Variants in MIER1 observed in about 807,000 individuals in gnomAD.
MIER1 encodes MIER1 transcriptional regulator.
A neutral mutation model predicts 75.7 loss-of-function variants in MIER1; 40 were observed. The observed-to-expected ratio is 0.53, with a 90% CI of 0.41 to 0.69. The LOEUF (loss-of-function observed/expected upper bound fraction) is 0.69. Among genes scored for constraint, MIER1 ranks in the 30% least tolerant of loss-of-function variants. The pLI, the probability that MIER1 is intolerant of heterozygous loss-of-function variation, is 0.00. For missense variants in MIER1, 574 were observed against 680.2 expected (o/e 0.84, Z 1.74); for synonymous variants, 213 against 223.4 (o/e 0.95, Z 0.42).
chr1:66,964,458 T>G (rs1176742946), intron 8 of MIER1, among the ~76,000 whole-genome samples: 1 of 149,272 alleles, frequency 6.7e-6, no homozygotes, highest in African/African-American at 2.5e-5. Context: ...CTTTTTTTTT[T>G]TTTTTTTTTT....
intron 11 of MIER1, among the ~76,000 whole-genome samples, chr1:66,975,073 C>T (rs986502065): frequency 2.0e-5 from 3 of 151,980 alleles, no homozygotes; most frequent in African/African-American, 4.8e-5. Context: ...ACAGTGCAAA[C>T]GGGAAGAAAG....
intron 8 of MIER1, 74 bp downstream of exon 8, chr1:66,963,234 G>A: frequency 2.0e-6 from 2 of 981,918 alleles, no homozygotes; most frequent in Non-Finnish European, 3.2e-6. Flanking sequence ...TATGTAAAAT[G>A]TGATAAGAAC....
Position 66,963,179 on chromosome 1 carries a change from T to G in MIER1, c.772+19T>G, listed in dbSNP as rs1268040856. 1 of 1,474,148 alleles carries G rather than the reference T, an allele frequency of 6.8e-7. No homozygotes were observed. The highest frequency in any genetic ancestry group is 9.5e-7 in the Non-Finnish European group (1 of 1,053,264). 91.3% of individuals were successfully genotyped at this position (1,474,148 alleles called of 1,614,324 possible). On this transcript the variant is annotated intron_variant, in intron 8 of 13. Transcript: ENST00000401041. ...GAAAAAGGTGGGTTATTAGTAAAGTTACGTAGCTGAATTTATGCTTTCAGT... is the reference window on the plus strand; with the variant it reads ...GAAAAAGGTGGGTTATTAGTAAAGTGACGTAGCTGAATTTATGCTTTCAGT...
chr1:66,925,412 C>T, intron 1 of MIER1: 2 of 985,466 alleles, frequency 2.0e-6, no homozygotes, highest in Non-Finnish European at 2.4e-6. Context: ...TCGCTTCGGT[C>T]CCTGATCCCA....
chr1:66,935,160 A>G (rs1654471490), intron 2 of MIER1, among the ~76,000 whole-genome samples: 1 of 152,072 alleles, frequency 6.6e-6, no homozygotes, highest in Admixed American at 6.5e-5. Context: ...GTAGTTAGTT[A>G]TTTCTTTACT....
At chr1:66,943,410 TTGATAAG>T in intron 3 of MIER1, among the ~76,000 whole-genome samples, 1 of 152,210 alleles carries the variant, frequency 6.6e-6, no homozygotes, top group East Asian at 1.9e-4. Flanking sequence ...TTCTAAAACT[TTGATAAG>T]TGTTAATAAC....
At chr1:66,934,094 C>T (rs1654097645) in intron 2 of MIER1, among the ~76,000 whole-genome samples, 1 of 152,038 alleles carries the variant, frequency 6.6e-6, no homozygotes, top group Admixed American at 6.6e-5. Context: ...CATGAAGTAG[C>T]ACCCCAAAAA....
chr1:66,972,239 T>TATATATATATATATATATATACACTAC (rs1558100000), intron 10 of MIER1, among the ~76,000 whole-genome samples: 17 of 68,856 alleles, frequency 2.5e-4, no homozygotes, highest in African/African-American at 1.7e-3. Context: ...ACACTACATA[T>TATATATATATATATATATATACACTAC]ATATATATAT....
At chr1:66,942,595 A>T (rs1286422781) in intron 3 of MIER1, among the ~76,000 whole-genome samples, 2 of 148,360 alleles carry the variant, frequency 1.3e-5, no homozygotes, top group Non-Finnish European at 3.0e-5. Flanking sequence ...ATTATTGGGA[A>T]TTTTTTTTTT....
chr1:66,972,988 TAAAG>T lies in MIER1; in HGVS notation c.1099_1101+1del, dbSNP rs1558101947. On this transcript the variant is annotated splice_donor_variant and coding_sequence_variant, in exon 11 of 14. Coordinates refer to ENST00000401041, the MANE Select transcript of MIER1 (RefSeq NM_001077700.3). LOFTEE classifies it high-confidence loss of function. ...AGGATTTTCATTTGATTCAGGCTAATAAAGTAAGTAATGATAATCTCTTTTTTGC... is the reference window on the plus strand; with the variant it reads ...AGGATTTTCATTTGATTCAGGCTAATTAAGTAATGATAATCTCTTTTTTGC... The T allele has an allele frequency of 1.3e-6, 2 of 1,568,136 alleles. No individual in the cohort carries two copies. The highest frequency in any genetic ancestry group is 1.8e-6 in the Non-Finnish European group (2 of 1,139,910).
At chr1:66,946,923 T>C (rs552674716) in intron 4 of MIER1, 1 of 985,418 alleles carries the variant, frequency 1.0e-6, no homozygotes, top group South Asian at 4.7e-5. Flanking sequence ...CAGTATCTTT[T>C]GCAGACTCTT....
chr1:66,959,809 TTA>T, intron 7 of MIER1, 66 bp downstream of exon 7: 1 of 647,002 alleles, frequency 1.5e-6, no homozygotes, highest in South Asian at 2.8e-5. Flanking sequence ...CCTCGTGTAA[TTA>T]TTTTTTTTTT....
intron 4 of MIER1, among the ~76,000 whole-genome samples, chr1:66,952,171 G>A (rs1406965011): frequency 6.6e-6 from 1 of 151,954 alleles, no homozygotes; most frequent in Non-Finnish European, 1.5e-5. Context: ...CTCTGTTCTC[G>A]CCTTTTTATA....
intron 12 of MIER1, among the ~76,000 whole-genome samples, chr1:66,977,588 T>A (rs1664982820): frequency 6.6e-6 from 1 of 152,218 alleles, no homozygotes; most frequent in African/African-American, 2.4e-5. Context: ...CTGATATGCC[T>A]AATTTATTCC....
intron 7 of MIER1, among the ~76,000 whole-genome samples, chr1:66,960,382 A>G (rs1661024706): frequency 6.6e-6 from 1 of 152,226 alleles, no homozygotes; most frequent in Non-Finnish European, 1.5e-5. Flanking sequence ...AATTTCTGAA[A>G]TGAATCTAAA....
intron 2 of MIER1, among the ~76,000 whole-genome samples, chr1:66,933,196 C>G (rs1440245483): frequency 6.6e-6 from 1 of 152,056 alleles, no homozygotes; most frequent in African/African-American, 2.4e-5. Flanking sequence ...TGCAGTTTTA[C>G]TAACTGCAAA....
chr1:66,950,468 T>G (rs1214448228), intron 4 of MIER1, among the ~76,000 whole-genome samples: 1 of 152,204 alleles, frequency 6.6e-6, no homozygotes, highest in Non-Finnish European at 1.5e-5. Flanking sequence ...GTTTTCCAAA[T>G]GAACTCTTTA....
intron 2 of MIER1, 48 bp downstream of exon 2, chr1:66,926,290 C>T (rs1651751291): frequency 7.4e-7 from 1 of 1,357,322 alleles, no homozygotes; most frequent in African/African-American, 1.4e-5. Context: ...ATCCAAACTC[C>T]CTCAAGTAAT....
At position 66,946,229 on chromosome 1, in the gene MIER1, A is replaced by G. The variant is rs369892656; in HGVS notation, c.273A>G (p.Thr91=). The part of the protein sequence containing the change: ...MLVHDFDDER[T]LEEEEMMEGE... Reference sequence around the variant, plus strand: ...TTCATGATTTTGATGATGAACGAACATTAGAAGAGGAAGAAATGATGGAAG... The same window carrying G: ...TTCATGATTTTGATGATGAACGAACGTTAGAAGAGGAAGAAATGATGGAAG... The change falls in exon 4 of 14, where the codon ACA becomes ACG. Residue 91 remains threonine, a synonymous_variant. Coordinates refer to ENST00000401041, the MANE Select transcript of MIER1 (RefSeq NM_001077700.3). 98 of 1,611,512 alleles carry G rather than the reference A, an allele frequency of 6.1e-5. No individual in the cohort carries two copies. The African/African-American group carries it at 1.2e-3, about 20-fold the overall frequency.
Sources: gnomAD v4.1 joint callset for allele counts (sites outside exome capture counted in the v4.1 genomes callset) on GRCh38, gnomAD v4.1.1 for gene constraint, MANE v1.5 for transcripts, NCBI Gene and HGNC (gene_info 2026-07-23, HGNC 2026-07-21) for gene names.